PCDHGA8: variants seen among roughly 807,000 people sequenced by gnomAD.
PCDHGA8 encodes protocadherin gamma subfamily A, 8.
A neutral mutation model predicts 59.2 loss-of-function variants in PCDHGA8; 45 were observed. The observed-to-expected ratio is 0.76, with a 90% CI of 0.60 to 0.98. The LOEUF (loss-of-function observed/expected upper bound fraction) is 0.98, where lower values mean the gene tolerates loss of function less well. Among genes scored for constraint, PCDHGA8 ranks in the 50% least tolerant of loss-of-function variants. The pLI, the probability that PCDHGA8 is intolerant of heterozygous loss-of-function variation, is 0.00. For missense variants in PCDHGA8, 1,257 were observed against 1,196.2 expected (o/e 1.05, Z -0.75); for synonymous variants, 531 against 519.0 (o/e 1.02, Z -0.32).
intron 1 of PCDHGA8, among the ~76,000 whole-genome samples, chr5:141,435,245 G>A (rs577996994): frequency 6.6e-6 from 1 of 152,132 alleles, no homozygotes; most frequent in Admixed American, 6.5e-5. Context: ...ATTCTTTCTG[G>A]CCATTAGGGA....
chr5:141,409,928 G>C (rs2095338081), intron 1 of PCDHGA8: 1 of 1,613,354 alleles, frequency 6.2e-7, no homozygotes, highest in Non-Finnish European at 8.5e-7. Context: ...CGCGTTCTTC[G>C]ATATGGTACC....
chr5:141,414,466 G>A, intron 1 of PCDHGA8: 1 of 1,613,872 alleles, frequency 6.2e-7, no homozygotes, highest in Non-Finnish European at 8.5e-7. Flanking sequence ...AGCCACAGAT[G>A]GGGGAAGTCC....
intron 1 of PCDHGA8, 161 bp from the exon 2 acceptor site, chr5:141,494,646 T>C (rs1324048407): frequency 1.1e-6 from 1 of 935,836 alleles, no homozygotes; most frequent in East Asian, 1.2e-4. Flanking sequence ...AGACCTGAGG[T>C]GTATTTTGTC....
chr5:141,451,233 T>A (rs1431967203), intron 1 of PCDHGA8, among the ~76,000 whole-genome samples: 1 of 152,216 alleles, frequency 6.6e-6, no homozygotes, highest in African/African-American at 2.4e-5. Flanking sequence ...GCATTTATTA[T>A]CTCATAAATT....
intron 1 of PCDHGA8, chr5:141,397,974 C>T: frequency 1.7e-6 from 2 of 1,174,456 alleles, no homozygotes; most frequent in Non-Finnish European, 1.2e-6. Context: ...TCCCCAGCGC[C>T]GGCCTTTACA....
chr5:141,477,168 A>C lies in PCDHGA8; in HGVS notation c.2425-17639A>C, dbSNP rs763187246. 1 of 1,614,210 alleles carries C rather than the reference A, an allele frequency of 6.2e-7. No homozygotes were observed. The highest frequency in any genetic ancestry group is 8.5e-7 in the Non-Finnish European group (1 of 1,180,040). On this transcript the variant is annotated intron_variant, in intron 1 of 3. Transcript: ENST00000398604. This position sits in a 1 kb window ranked among gnomAD's most constrained non-coding sequence, Gnocchi z 4.9. ...GTGGATGTGAATGACAACGCCCCGG[A>C]GATCACAGTCACCTCCGTGTACAGC...
intron 1 of PCDHGA8, chr5:141,409,341 G>A (rs753232321): frequency 1.9e-6 from 3 of 1,613,976 alleles, no homozygotes; most frequent in Non-Finnish European, 2.5e-6. Flanking sequence ...GGAGGAAATG[G>A]AGAAGTCAGG....
Position 141,485,768 on chromosome 5 carries a change from C to A in PCDHGA8, c.2425-9039C>A, listed in dbSNP as rs759191157. 3.7e-6 allele frequency: 6 copies of A among 1,614,192 alleles called. No individual in the cohort carries two copies. Among genetic ancestry groups the A allele is most frequent in the Middle Eastern group, 1.6e-4 (1 of 6,062 alleles). On this transcript the variant is annotated intron_variant, in intron 1 of 3. Coordinates refer to ENST00000398604, the MANE Select transcript of PCDHGA8 (RefSeq NM_032088.2). The surrounding 1 kb of genome is among the most constrained non-coding windows in gnomAD (Gnocchi z 5.7). ...GGTCCCAGAGCTGCTCCTGGAGAAG[C>A]CTTTGGATCGAGAGAAGCAATCGGA...
Position 141,510,946 on chromosome 5 carries a change from GA to G in PCDHGA8, c.2574del (p.Ala859LeufsTer17). The G allele has an allele frequency of 6.2e-7, 1 of 1,614,128 alleles. No homozygotes were observed. ...LQAMILASAS[E>X]AADGSSTLGG... ...CACCTGATCTTCCTCTGTCTCTGCA[GA>G]AGCTGCTGATGGGAGCTCCACCCTG... On this transcript the variant is annotated frameshift_variant and splice_region_variant, in exon 4 of 4. Coordinates refer to ENST00000398604, the MANE Select transcript of PCDHGA8 (RefSeq NM_032088.2). LOFTEE classifies it high-confidence loss of function.
In PCDHGA8 at chr5:141,421,624, A is replaced by G; in HGVS notation, c.2424+26387A>G. On this transcript the variant is annotated intron_variant, in intron 1 of 3. Transcript: ENST00000398604. ...AATAGATATTAATGATAACGCCCCC[A>G]GCTTCCAGGAGGACGAAGTGGAGAT... 2.5e-6 allele frequency: 4 copies of G among 1,613,872 alleles called. No homozygotes were observed. The South Asian group carries it at 3.3e-5, about 13-fold the overall frequency.
intron 1 of PCDHGA8, among the ~76,000 whole-genome samples, chr5:141,467,950 C>T (rs780236016): frequency 2.6e-5 from 4 of 152,290 alleles, no homozygotes; most frequent in Admixed American, 6.5e-5. Context: ...TGAGCCACCA[C>T]ACCCGGCTGC....
At chr5:141,405,582 C>T in intron 1 of PCDHGA8, 3 of 589,180 alleles carry the variant, frequency 5.1e-6, no homozygotes, top group African/African-American at 1.9e-5. Context: ...GTAGCTGGGA[C>T]TACAGGCCTC....
rs576464275 is a variant in PCDHGA8, at chr5:141,448,784, CA to C, written c.2425-46012del. ...TGAAACCCCGTCTGTACTAAAAATA[CA>C]AAAAAAAAAATTAGCCAGGCGTGAT... On this transcript the variant is annotated intron_variant, in intron 1 of 3. Coordinates refer to ENST00000398604, the MANE Select transcript of PCDHGA8 (RefSeq NM_032088.2). Among the ~76,000 whole-genome samples, 323 of 145,522 alleles carry C rather than the reference CA, an allele frequency of 2.2e-3. 2 individuals are homozygous for C. The highest frequency in any genetic ancestry group is 5.9e-3 in the African/African-American group (238 of 40,012).
chr5:141,441,838 C>A, intron 1 of PCDHGA8: 1 of 355,582 alleles, frequency 2.8e-6, no homozygotes, highest in Non-Finnish European at 5.5e-6. Context: ...TGGCTTCGCG[C>A]TCTTGGATAT....
At chr5:141,448,907 T>G (rs1253773780) in intron 1 of PCDHGA8, among the ~76,000 whole-genome samples, 1 of 152,178 alleles carries the variant, frequency 6.6e-6, no homozygotes, top group African/African-American at 2.4e-5. Flanking sequence ...ATCGTGCCAC[T>G]GCACTCCAGC....
chr5:141,408,634 A>C, intron 1 of PCDHGA8: 2 of 1,614,040 alleles, frequency 1.2e-6, no homozygotes, highest in South Asian at 2.2e-5. Flanking sequence ...AAATTTTCGA[A>C]TCTGCATCCG....
intron 1 of PCDHGA8, chr5:141,396,643 A>C (rs1271446592): frequency 6.6e-6 from 1 of 152,180 alleles, no homozygotes; most frequent in Admixed American, 6.5e-5. Context: ...ACTAATATTA[A>C]TAGTAAAAAC....
intron 1 of PCDHGA8, chr5:141,400,541 T>C: frequency 6.2e-7 from 1 of 1,613,832 alleles, no homozygotes; most frequent in Admixed American, 1.7e-5. Flanking sequence ...TTCATTTATG[T>C]CTATTCTTTT....
Position 141,490,845 on chromosome 5 carries a change from G to T in PCDHGA8, c.2425-3962G>T, listed in dbSNP as rs748605746. The T allele has an allele frequency of 1.4e-5, 22 of 1,613,726 alleles. No individual in the cohort carries two copies. The highest frequency in any genetic ancestry group is 1.7e-5 in the Non-Finnish European group (20 of 1,179,894). On this transcript the variant is annotated intron_variant, in intron 1 of 3. Coordinates refer to ENST00000398604, the MANE Select transcript of PCDHGA8 (RefSeq NM_032088.2). This position sits in a 1 kb window ranked among gnomAD's most constrained non-coding sequence, Gnocchi z 5.4. ...TGCAGATGCTGCAGATTGTGGTGGG[G>T]GTTCGAGACTCCGGCTCTCCCCCAT...
Sources: gnomAD v4.1 joint callset for allele counts (sites outside exome capture counted in the v4.1 genomes callset) on GRCh38, gnomAD v4.1.1 for gene constraint, Gnocchi (gnomAD v3.1) non-coding constraint, MANE v1.5 for transcripts, NCBI Gene and HGNC (gene_info 2026-07-23, HGNC 2026-07-21) for gene names.